MTUS2: variants seen among roughly 807,000 people sequenced by gnomAD.
MTUS2 encodes the protein microtubule-associated tumor suppressor candidate 2.
Under a neutral mutation model 114.1 loss-of-function variants are expected in MTUS2, and 40 were observed. The observed-to-expected ratio is 0.35, with a 90% CI of 0.27 to 0.46. The LOEUF is 0.46. Ranked by LOEUF, MTUS2 falls within the 20% of genes least tolerant of loss-of-function variation. MTUS2 has a pLI of 1.00. For missense variants in MTUS2, 1,679 were observed against 1,705.4 expected (o/e 0.98, Z 0.27); for synonymous variants, 688 against 672.0 (o/e 1.02, Z -0.37).
At chr13:28,900,996 C>T (rs1422883892) in intron 2 of MTUS2, among the ~76,000 whole-genome samples, 3 of 152,176 alleles carry the variant, frequency 2.0e-5, no homozygotes. Flanking sequence ...AGTTTACATT[C>T]CCACAGTACA....
chr13:29,032,867 A>G (rs184720593), intron 3 of MTUS2, among the ~76,000 whole-genome samples: 1 of 152,322 alleles, frequency 6.6e-6, no homozygotes, highest in Admixed American at 6.5e-5. Flanking sequence ...TAATTAACAG[A>G]TGTATCTTTT....
intron 11 of MTUS2, among the ~76,000 whole-genome samples, chr13:29,488,986 T>C (rs1881851238): frequency 6.6e-6 from 1 of 152,180 alleles, no homozygotes; most frequent in East Asian, 1.9e-4. Context: ...CAGCTGGTTG[T>C]TAAAGTGTGT....
At position 29,024,987 on chromosome 13, in the gene MTUS2, GA is replaced by G; in HGVS notation, c.290del (p.Asp97ValfsTer42). The G allele has an allele frequency of 6.2e-7, 1 of 1,613,378 alleles. No homozygotes were observed. Among genetic ancestry groups the G allele is most frequent in the Non-Finnish European group, 8.5e-7 (1 of 1,179,780 alleles). On this transcript the variant is annotated frameshift_variant, in exon 3 of 16. Transcript: ENST00000612955. LOFTEE classifies it high-confidence loss of function. ...GSQAGSASLK[D>X]FRLSSTIQRE... ...TCAGGCTGGCTCTGCCAGCCTGAAA[GA>G]TTTTAGACTTTCTTCAACCATTCAG...
chr13:29,012,574 G>A (rs1885893115), intron 2 of MTUS2, among the ~76,000 whole-genome samples: 1 of 152,132 alleles, frequency 6.6e-6, no homozygotes, highest in South Asian at 2.1e-4. Context: ...AAAGAGATAT[G>A]CTAAAAGAGT....
chr13:29,138,981 C>T (rs1892102217), intron 5 of MTUS2, among the ~76,000 whole-genome samples: 1 of 151,652 alleles, frequency 6.6e-6, no homozygotes, highest in South Asian at 2.1e-4. Flanking sequence ...CCTTTGCCCC[C>T]AGTGATATGG....
At chr13:29,237,936 GAAAA>G (rs897894200) in intron 5 of MTUS2, among the ~76,000 whole-genome samples, 6 of 151,908 alleles carry the variant, frequency 3.9e-5, no homozygotes, top group African/African-American at 1.2e-4. Flanking sequence ...GTAAAAAAAA[GAAAA>G]AAAGAAAAGA....
intron 9 of MTUS2, among the ~76,000 whole-genome samples, chr13:29,440,851 G>A (rs1877787648): frequency 6.6e-6 from 1 of 152,094 alleles, no homozygotes; most frequent in South Asian, 2.1e-4. Context: ...AGGTGTCCTT[G>A]GCAAGTAGCC....
chr13:29,064,432 T>C (rs1426503507), intron 4 of MTUS2, among the ~76,000 whole-genome samples: 1 of 135,308 alleles, frequency 7.4e-6, no homozygotes, highest in Non-Finnish European at 1.6e-5. Context: ...TTGGGTATCT[T>C]TAGGTTTTAA....
At chr13:28,862,876 T>C (rs906416547) in intron 2 of MTUS2, among the ~76,000 whole-genome samples, 9 of 152,202 alleles carry the variant, frequency 5.9e-5, no homozygotes, top group African/African-American at 1.9e-4. Flanking sequence ...AAATACATCA[T>C]AATAGATATT....
chr13:28,959,479 C>T (rs1883223233), intron 2 of MTUS2, among the ~76,000 whole-genome samples: 1 of 152,140 alleles, frequency 6.6e-6, no homozygotes, highest in Non-Finnish European at 1.5e-5. Flanking sequence ...TGGCTATAAA[C>T]TGGGTAATTT....
intron 2 of MTUS2, among the ~76,000 whole-genome samples, chr13:28,934,257 C>T (rs537114095): frequency 6.6e-6 from 1 of 152,084 alleles, no homozygotes; most frequent in East Asian, 1.9e-4. Context: ...TTCATGTATC[C>T]CTACTATTGC....
chr13:28,946,909 G>T (rs915613097), intron 2 of MTUS2, among the ~76,000 whole-genome samples: 2 of 152,124 alleles, frequency 1.3e-5, no homozygotes, highest in African/African-American at 4.8e-5. Flanking sequence ...CCATGTAGAA[G>T]TCATTTTCCT....
chr13:29,343,255 A>G lies in MTUS2; in HGVS notation c.2906-16007A>G, dbSNP rs1312223177. On this transcript the variant is annotated intron_variant, in intron 7 of 15. Transcript: ENST00000612955. ...GTACCAGTTCTTCTTTGAACGTCTC[A>G]TAGAATTCAACTGGGAACTCATCTG... 2.6e-5 allele frequency among the ~76,000 whole-genome samples: 4 copies of G among 151,994 alleles called. No individual in the cohort carries two copies. The East Asian group carries it at 7.8e-4, about 29-fold the overall frequency.
At chr13:28,855,211 A>G (rs762871425) in intron 2 of MTUS2, among the ~76,000 whole-genome samples, 5 of 151,714 alleles carry the variant, frequency 3.3e-5, no homozygotes, top group Non-Finnish European at 7.4e-5. Flanking sequence ...TTAATAGATT[A>G]TTCTTTAGTA....
chr13:29,198,598 C>T (rs1349366072), intron 5 of MTUS2, among the ~76,000 whole-genome samples: 1 of 152,058 alleles, frequency 6.6e-6, no homozygotes, highest in Non-Finnish European at 1.5e-5. Context: ...TTTTCTAATT[C>T]TGTGAAGAAA....
chr13:29,051,795 C>T (rs554635102), intron 4 of MTUS2, among the ~76,000 whole-genome samples: 1 of 152,134 alleles, frequency 6.6e-6, no homozygotes, highest in Non-Finnish European at 1.5e-5. Context: ...TCATGGAGAC[C>T]AATCCTTATT....
At chr13:29,490,680 C>G (rs889433604) in intron 11 of MTUS2, among the ~76,000 whole-genome samples, 7 of 152,238 alleles carry the variant, frequency 4.6e-5, no homozygotes, top group Non-Finnish European at 1.0e-4. Flanking sequence ...GAAGCAAATC[C>G]CAGGGACGTA....
At chr13:29,400,316 T>C (rs547507629) in intron 8 of MTUS2, among the ~76,000 whole-genome samples, 103 of 152,284 alleles carry the variant, frequency 6.8e-4, no homozygotes, top group African/African-American at 2.4e-3. Context: ...TGGTCAGCGG[T>C]GTACAGCATG....
chr13:29,478,989 T>A (rs748790652), intron 9 of MTUS2, among the ~76,000 whole-genome samples: 20 of 152,202 alleles, frequency 1.3e-4, no homozygotes, highest in Non-Finnish European at 2.6e-4. Flanking sequence ...CAGAGCCAAA[T>A]GTGGCAAAGA....
Sources: gnomAD v4.1 joint callset for allele counts (sites outside exome capture counted in the v4.1 genomes callset) on GRCh38, gnomAD v4.1.1 for gene constraint, MANE v1.5 for transcripts, NCBI Gene and HGNC (gene_info 2026-07-23, HGNC 2026-07-21) for gene names.